CSMD3: variants seen among roughly 807,000 people sequenced by gnomAD.
CSMD3 encodes the protein CUB and Sushi multiple domains 3.
In CSMD3, 177 loss-of-function variants were observed where a neutral mutation model predicts 435.2. The observed-to-expected ratio is 0.41, with a 90% CI of 0.36 to 0.46. CSMD3 has a LOEUF of 0.46. Among genes scored for constraint, CSMD3 ranks in the 20% least tolerant of loss-of-function variants. The pLI, the probability that CSMD3 is intolerant of heterozygous loss-of-function variation, is 0.34. For missense variants in CSMD3, 4,265 were observed against 4,504.6 expected (o/e 0.95, Z 1.52); for synonymous variants, 1,656 against 1,520.5 (o/e 1.09, Z -2.07).
chr8:112,289,317 A>T (rs1819531376), intron 57 of CSMD3, 48 bp downstream of exon 57: 2 of 1,460,306 alleles, frequency 1.4e-6, no homozygotes, highest in East Asian at 4.5e-5. Context: ...ACTACTACTA[A>T]CAATAATGTA....
chr8:113,304,934 A>T (rs1306095427), intron 2 of CSMD3, among the ~76,000 whole-genome samples: 2 of 142,892 alleles, frequency 1.4e-5, no homozygotes, highest in Non-Finnish European at 3.1e-5. Flanking sequence ...AAAAAAAGAA[A>T]ATGTGGCACA....
intron 10 of CSMD3, among the ~76,000 whole-genome samples, chr8:112,859,563 A>G (rs1175004352): frequency 6.6e-6 from 1 of 151,846 alleles, no homozygotes; most frequent in Non-Finnish European, 1.5e-5. Flanking sequence ...AGGTATATGT[A>G]CCCAATATTG....
intron 13 of CSMD3, among the ~76,000 whole-genome samples, chr8:112,742,151 C>G (rs868036417): frequency 6.6e-6 from 1 of 151,928 alleles, no homozygotes; most frequent in Non-Finnish European, 1.5e-5. Flanking sequence ...CAAACACACA[C>G]AAACGCTAAG....
At chr8:112,600,629 T>A (rs1832254345) in intron 22 of CSMD3, among the ~76,000 whole-genome samples, 1 of 152,198 alleles carries the variant, frequency 6.6e-6, no homozygotes, top group Non-Finnish European at 1.5e-5. Context: ...GTGTTAAGTA[T>A]CCTGAGAGTA....
At chr8:112,894,933 T>A (rs972007740) in intron 10 of CSMD3, among the ~76,000 whole-genome samples, 2 of 151,266 alleles carry the variant, frequency 1.3e-5, no homozygotes, top group African/African-American at 4.8e-5. Context: ...GGATAATAAA[T>A]GCCAGTGGAG....
chr8:112,839,928 G>C (rs1230979276), intron 11 of CSMD3, among the ~76,000 whole-genome samples: 1 of 151,690 alleles, frequency 6.6e-6, no homozygotes, highest in Non-Finnish European at 1.5e-5. Flanking sequence ...GACACCAAAA[G>C]ACAGGATGTA....
At chr8:112,302,142 C>T (rs1236301676) in intron 52 of CSMD3, among the ~76,000 whole-genome samples, 176 bp from the exon 53 acceptor site, 1 of 151,424 alleles carries the variant, frequency 6.6e-6, no homozygotes, top group East Asian at 1.9e-4. Context: ...GATGACATAA[C>T]GTAAAATGTA....
rs2093364585 is a variant in CSMD3, at chr8:113,254,648, G to C, written c.514+23944C>G. On this transcript the variant is annotated intron_variant, in intron 3 of 70. Transcript: ENST00000297405. Reference sequence around the variant, plus strand: ...GTGGATTTAGGTCTTACAATATTAAGTAATGGAGTCCATCATCTGTCAAAG... The same window carrying C: ...GTGGATTTAGGTCTTACAATATTAACTAATGGAGTCCATCATCTGTCAAAG... Among the ~76,000 whole-genome samples, 2 of 152,146 alleles carry C rather than the reference G, an allele frequency of 1.3e-5. 1 individual carries two copies. Among genetic ancestry groups the C allele is most frequent in the South Asian group, 4.1e-4 (2 of 4,834 alleles).
intron 12 of CSMD3, among the ~76,000 whole-genome samples, chr8:112,804,978 T>G (rs1415236219): frequency 6.6e-6 from 1 of 152,140 alleles, no homozygotes; most frequent in Non-Finnish European, 1.5e-5. Context: ...CTACTTATTC[T>G]GTGATTTCCC....
At chr8:113,151,498 T>A (rs899127764) in intron 4 of CSMD3, among the ~76,000 whole-genome samples, 1 of 151,710 alleles carries the variant, frequency 6.6e-6, no homozygotes, top group Non-Finnish European at 1.5e-5. Flanking sequence ...ACAATAGGAA[T>A]GACAAGAATA....
chr8:112,381,335 T>G (rs1227568128), intron 37 of CSMD3, among the ~76,000 whole-genome samples: 1 of 152,202 alleles, frequency 6.6e-6, no homozygotes, highest in Non-Finnish European at 1.5e-5. Context: ...CAAATTTATT[T>G]TATTAAGTTA....
intron 3 of CSMD3, among the ~76,000 whole-genome samples, chr8:113,248,517 A>ATT (rs2093302418): frequency 7.7e-6 from 1 of 129,376 alleles, no homozygotes; most frequent in Non-Finnish European, 1.6e-5. Flanking sequence ...ATATTTCCAT[A>ATT]TTATATATAT....
At chr8:113,167,065 A>G (rs566183749) in intron 4 of CSMD3, among the ~76,000 whole-genome samples, 1 of 152,260 alleles carries the variant, frequency 6.6e-6, no homozygotes, top group South Asian at 2.1e-4. Flanking sequence ...GTGGCAGAAT[A>G]TGAAGCAAAC....
At chr8:113,289,305 T>C (rs1291125289) in intron 2 of CSMD3, among the ~76,000 whole-genome samples, 6 of 151,832 alleles carry the variant, frequency 4.0e-5, no homozygotes, top group Non-Finnish European at 4.4e-5. Flanking sequence ...ACATTATTGA[T>C]AGCTATAACA....
At chr8:112,667,159 T>C (rs545423757) in intron 16 of CSMD3, among the ~76,000 whole-genome samples, 4 of 152,218 alleles carry the variant, frequency 2.6e-5, no homozygotes, top group South Asian at 2.1e-4. Context: ...ATTTTGGAGA[T>C]GTGTAAACCA....
intron 3 of CSMD3, among the ~76,000 whole-genome samples, chr8:113,176,716 C>T (rs1160648896): frequency 2.0e-5 from 3 of 151,564 alleles, no homozygotes; most frequent in African/African-American, 4.8e-5. Flanking sequence ...AATGAGAACA[C>T]ATGGACACAG....
chr8:112,352,949 A>AT (rs35108948), intron 38 of CSMD3, among the ~76,000 whole-genome samples: 27,338 of 152,158 alleles, frequency 0.18, 3,038 homozygotes, highest in Middle Eastern at 0.35. Context: ...ATTATTTGCT[A>AT]TTTTGTCTTC....
chr8:113,143,259 C>T (rs190761773), intron 4 of CSMD3, among the ~76,000 whole-genome samples: 347 of 151,236 alleles, frequency 2.3e-3, no homozygotes, highest in African/African-American at 8.0e-3. Context: ...CAAATTAAAA[C>T]CACAATGAAA....
chr8:113,192,289 G>A (rs554723732), intron 3 of CSMD3, among the ~76,000 whole-genome samples: 1 of 151,714 alleles, frequency 6.6e-6, no homozygotes, highest in South Asian at 2.1e-4. Flanking sequence ...AAAAATCTAT[G>A]TATCTTCTTA....
Sources: allele counts gnomAD v4.1 joint callset (sites outside exome capture counted in the v4.1 genomes callset), GRCh38; gene constraint gnomAD v4.1.1; transcripts MANE v1.5; gene names NCBI Gene and HGNC (gene_info 2026-07-23, HGNC 2026-07-21).